The following ZNF780B variants were observed in gnomAD, a reference collection of about 807,000 sequenced individuals.
ZNF780B encodes zinc finger protein 779.
ZNF780B carries 52 observed loss-of-function variants against 74.1 expected under a neutral mutation model. The ratio of observed to expected loss-of-function variants is 0.70; its 90% CI spans 0.56 to 0.88. The LOEUF is 0.88. ZNF780B is among the 40% of genes least tolerant of loss of function. The pLI, the probability that ZNF780B is intolerant of heterozygous loss-of-function variation, is 0.00. For missense variants in ZNF780B, 953 were observed against 1,007.6 expected (o/e 0.95, Z 0.73); for synonymous variants, 315 against 324.3 (o/e 0.97, Z 0.31).
At chr19:40,045,605 T>G (rs988908565) in intron 4 of ZNF780B, among the ~76,000 whole-genome samples, 1 of 152,074 alleles carries the variant, frequency 6.6e-6, no homozygotes, top group Admixed American at 6.6e-5. Context: ...ATAAAGAAAA[T>G]GTGATATATA....
At chr19:40,050,449 T>G in intron 1 of ZNF780B, 72 bp from the exon 2 acceptor site, 1 of 1,375,390 alleles carries the variant, frequency 7.3e-7, no homozygotes, top group Non-Finnish European at 1.0e-6. Flanking sequence ...ATAAATATTT[T>G]ATCCTCCATT....
chr19:40,038,423 T>C (rs1041872125), intron 4 of ZNF780B, among the ~76,000 whole-genome samples: 1 of 152,116 alleles, frequency 6.6e-6, no homozygotes, highest in Non-Finnish European at 1.5e-5. Flanking sequence ...CCTTTAGGTA[T>C]ATACACAGTA....
In ZNF780B at chr19:40,036,558, T is replaced by G. The variant is rs1373824906; in HGVS notation, c.301A>C (p.Lys101Gln). Residue 101 changes from lysine to glutamine, a missense_variant, in exon 5 of 5, where the codon AAA (lysine) becomes CAA (glutamine). Transcript: ENST00000434248. ...TTACTTATTTGCTTTATAACATGTT[T>G]GGGTAAATTTATTTCAAAAATATCA... ...ENDIFEINLP[K>Q]HVIKQISKTL... The G allele has an allele frequency of 4.4e-6, 7 of 1,575,252 alleles. No homozygotes were observed. Among genetic ancestry groups the G allele is most frequent in the Non-Finnish European group, 6.0e-6 (7 of 1,165,580 alleles).
chr19:40,030,014 T>C lies in ZNF780B; in HGVS notation c.*4343A>G, dbSNP rs1971962407. The C allele has an allele frequency of 6.6e-6, 1 of 152,146 alleles. No homozygotes were observed. Among genetic ancestry groups the C allele is most frequent in the Non-Finnish European group, 1.5e-5 (1 of 68,020 alleles). The allele number at this position is 152,146 out of a possible 1,614,324, so 9.4% of individuals were successfully genotyped here. ...TCATACACCATATGTGCATTTATGG[T>C]CTACAATATTTTCAATTTAACAATG... On this transcript the variant is annotated 3_prime_UTR_variant, in exon 5 of 5. Transcript: ENST00000434248.
intron 4 of ZNF780B, among the ~76,000 whole-genome samples, chr19:40,040,257 A>G (rs1972569617): frequency 6.6e-6 from 1 of 152,226 alleles, no homozygotes; most frequent in Admixed American, 6.5e-5. Flanking sequence ...CCAGGGATGA[A>G]GCCCACTTGA....
Position 40,034,503 on chromosome 19 carries a change from A to G in ZNF780B, c.2356T>C (p.Cys786Arg). The G allele has an allele frequency of 6.2e-7, 1 of 1,613,472 alleles. No individual in the cohort carries two copies. Among genetic ancestry groups the G allele is most frequent in the Non-Finnish European group, 8.5e-7 (1 of 1,179,848 alleles). Residue 786 changes from cysteine to arginine, a missense_variant, in exon 5 of 5, where the codon TGT becomes CGT. Transcript: ENST00000434248. Reference sequence around the variant, plus strand: ...AGGTGAAGTCTAAAAGCCTTCCCACACTCCTTACATTCATAGGGTTTCTCA... The same window carrying G: ...AGGTGAAGTCTAAAAGCCTTCCCACGCTCCTTACATTCATAGGGTTTCTCA... ...TGEKPYECKE[C>R]GKAFRLHLQL...
chr19:40,039,393 G>A (rs1468009983), intron 4 of ZNF780B, among the ~76,000 whole-genome samples: 7 of 151,898 alleles, frequency 4.6e-5, no homozygotes, highest in African/African-American at 7.3e-5. Context: ...TTGGTGATGC[G>A]GGCTCTTTTT....
chr19:40,041,580 C>T (rs1270833266), intron 4 of ZNF780B, among the ~76,000 whole-genome samples: 1 of 152,160 alleles, frequency 6.6e-6, no homozygotes, highest in East Asian at 1.9e-4. Context: ...CTTTATGAAT[C>T]TGGGTGCTCC....
At chr19:40,041,616 ATAGT>A (rs1555731324) in intron 4 of ZNF780B, among the ~76,000 whole-genome samples, 1 of 152,094 alleles carries the variant, frequency 6.6e-6, no homozygotes, top group Non-Finnish European at 1.5e-5. Context: ...TATATTTAGG[ATAGT>A]TAGCGCTTCT....
At chr19:40,049,081 A>C in intron 2 of ZNF780B, 7 of 375,350 alleles carry the variant, frequency 1.9e-5, no homozygotes, top group East Asian at 5.7e-5. Flanking sequence ...AAAAGAAAGA[A>C]AGAAAGAACT....
Position 40,032,314 on chromosome 19 carries a change from G to C in ZNF780B, c.*2043C>G, listed in dbSNP as rs1462422192. The C allele has an allele frequency of 2.7e-6, 1 of 372,862 alleles. No individual in the cohort carries two copies. The highest frequency in any genetic ancestry group is 5.2e-6 in the Non-Finnish European group (1 of 192,366). 23.1% of individuals were successfully genotyped at this position (372,862 alleles called of 1,614,324 possible). On this transcript the variant is annotated 3_prime_UTR_variant, in exon 5 of 5. Coordinates refer to ENST00000434248, the MANE Select transcript of ZNF780B (RefSeq NM_001005851.3). ...TTTACTAAGTTCCACAGGGGATTCTGATACCCACCATAATTTGAGAGCATA... is the reference window on the plus strand; with the variant it reads ...TTTACTAAGTTCCACAGGGGATTCTCATACCCACCATAATTTGAGAGCATA...
chr19:40,035,698 T>A lies in ZNF780B; in HGVS notation c.1161A>T (p.Lys387Asn). The change falls in exon 5 of 5, where the codon AAA (lysine) becomes AAT (asparagine). Residue 387 changes from lysine (K) to asparagine (N), a missense_variant. By Grantham distance (94) the Lys-to-Asn change is moderately conservative. Transcript: ENST00000434248. Reference protein sequence around the residue: ...NRHKNIHTGEKPFECKECGKS... With the variant: ...NRHKNIHTGENPFECKECGKS... Reference sequence around the variant, plus strand: ...TCCCACATTCTTTACATTCAAATGGTTTTTCACCTGTGTGAATATTCTTAT... The same window carrying A: ...TCCCACATTCTTTACATTCAAATGGATTTTCACCTGTGTGAATATTCTTAT... 6.2e-7 allele frequency: 1 copy of A among 1,614,102 alleles called. No individual in the cohort carries two copies. The highest frequency in any genetic ancestry group is 8.5e-7 in the Non-Finnish European group (1 of 1,180,000).
chr19:40,035,151 A>C lies in ZNF780B; in HGVS notation c.1708T>G (p.Ser570Ala). 1 of 1,613,498 alleles carries C rather than the reference A, an allele frequency of 6.2e-7. No individual in the cohort carries two copies. The highest frequency in any genetic ancestry group is 8.5e-7 in the Non-Finnish European group (1 of 1,179,648). The change falls in exon 5 of 5, where the codon TCA becomes GCA. Residue 570 changes from serine (S) to alanine (A), a missense_variant. Physicochemically the swap from Ser to Ala is moderately conservative, Grantham distance 99. Coordinates refer to ENST00000434248, the MANE Select transcript of ZNF780B (RefSeq NM_001005851.3). ...ATACTTCGATGTTGATTAAGATTTG[A>C]ACCACGACGAAAGAATTTCCCACAT... ...KECGKFFRRGSNLNQHRSIHT... is the reference protein window; with the variant it reads ...KECGKFFRRGANLNQHRSIHT...
chr19:40,048,620 C>T, intron 3 of ZNF780B, 50 bp downstream of exon 3: 1 of 1,613,782 alleles, frequency 6.2e-7, no homozygotes, highest in South Asian at 1.1e-5. Flanking sequence ...ATGAAGAAAG[C>T]TGATATTCCA....
chr19:40,055,105 A>T (rs1973428185), intron 1 of ZNF780B, among the ~76,000 whole-genome samples: 1 of 152,194 alleles, frequency 6.6e-6, no homozygotes, highest in South Asian at 2.1e-4. Context: ...TGATTCCACA[A>T]ACTAATCTTC....
intron 4 of ZNF780B, among the ~76,000 whole-genome samples, chr19:40,045,310 CA>C (rs1233682441): frequency 6.6e-6 from 1 of 152,056 alleles, no homozygotes; most frequent in Non-Finnish European, 1.5e-5. Context: ...AACAAAGAAA[CA>C]TTGGGTTTAA....
rs1004064966 is a variant in ZNF780B, at chr19:40,053,912, G to A, written c.-46+2277C>T. On this transcript the variant is annotated intron_variant, in intron 1 of 4. Coordinates refer to ENST00000434248, the MANE Select transcript of ZNF780B (RefSeq NM_001005851.3). ...TCCCAGCACTTTCGAAAGCGGAGGC[G>A]AAGGCCGAGGCAGGCGGATCACCTA... is the stretch of plus-strand genomic sequence containing the variant. Among the ~76,000 whole-genome samples, 12 of 152,330 alleles carry A rather than the reference G, an allele frequency of 7.9e-5. No homozygotes were observed. In the South Asian group the frequency reaches 1.5e-3, roughly 18 times the overall value.
intron 1 of ZNF780B, among the ~76,000 whole-genome samples, chr19:40,052,089 T>A (rs1973255153): frequency 6.6e-6 from 1 of 152,234 alleles, no homozygotes; most frequent in Admixed American, 6.5e-5. Flanking sequence ...CTTAGTGATT[T>A]CCATATTACA....
chr19:40,047,656 C>T (rs966979655), intron 3 of ZNF780B, among the ~76,000 whole-genome samples, 186 bp from the exon 4 acceptor site: 5 of 150,752 alleles, frequency 3.3e-5, no homozygotes, highest in Admixed American at 1.3e-4. Flanking sequence ...CATTTAAACT[C>T]ATAATAGAAA....
Sources: gnomAD v4.1 joint callset for allele counts (sites outside exome capture counted in the v4.1 genomes callset) on GRCh38, gnomAD v4.1.1 for gene constraint, MANE v1.5 for transcripts, NCBI Gene and HGNC (gene_info 2026-07-23, HGNC 2026-07-21) for gene names.